Variants in CUBN observed in about 807,000 individuals in gnomAD.
CUBN encodes the protein cubilin, also known as 460 kDa receptor.
A neutral mutation model predicts 405.3 loss-of-function variants in CUBN; 282 were observed. That is an observed-to-expected ratio of 0.70 (90% confidence interval 0.63 to 0.77). The LOEUF (loss-of-function observed/expected upper bound fraction) is 0.77. Ranked by LOEUF, CUBN falls within the 30% of genes least tolerant of loss-of-function variation. CUBN has a pLI of 0.00. For missense variants in CUBN, 4,514 were observed against 4,475.2 expected (o/e 1.01, Z -0.25); for synonymous variants, 1,684 against 1,617.0 (o/e 1.04, Z -0.99).
chr10:17,022,361 A>G (rs947717974), intron 27 of CUBN, among the ~76,000 whole-genome samples: 2 of 152,224 alleles, frequency 1.3e-5, no homozygotes, highest in African/African-American at 4.8e-5. Context: ...GCAAATGAAT[A>G]AAGATGAGTT....
chr10:16,964,939 G>A (rs116619869), intron 31 of CUBN, among the ~76,000 whole-genome samples: 212 of 152,264 alleles, frequency 1.4e-3, no homozygotes, highest in African/African-American at 4.9e-3. Flanking sequence ...CACAAACCCC[G>A]AAAATCAGTG....
At chr10:16,931,320 C>T (rs1270371974) in intron 40 of CUBN, among the ~76,000 whole-genome samples, 1 of 151,530 alleles carries the variant, frequency 6.6e-6, no homozygotes, top group African/African-American at 2.4e-5. Flanking sequence ...GTGTAAATGA[C>T]TACAATACTC....
intron 27 of CUBN, among the ~76,000 whole-genome samples, chr10:17,037,008 C>CGG (rs1834918302): frequency 6.6e-6 from 1 of 152,200 alleles, no homozygotes; most frequent in African/African-American, 2.4e-5. Flanking sequence ...CAACCTATAT[C>CGG]TGCCTCACTT....
At chr10:16,835,611 C>CTTT (rs1266627325) in intron 63 of CUBN, among the ~76,000 whole-genome samples, 2 of 49,440 alleles carry the variant, frequency 4.0e-5, no homozygotes, top group African/African-American at 5.2e-5. Flanking sequence ...TCGTTATTTA[C>CTTT]CTTTTTTTTT....
chr10:16,890,605 T>G (rs1202145147), intron 54 of CUBN, 78 bp from the exon 55 acceptor site: 3 of 1,395,852 alleles, frequency 2.1e-6, no homozygotes, highest in Non-Finnish European at 3.1e-6. Context: ...TTCAAAATAA[T>G]GGCACTCACA....
intron 28 of CUBN, among the ~76,000 whole-genome samples, chr10:17,009,566 C>G (rs1485986759): frequency 2.0e-5 from 3 of 152,188 alleles, no homozygotes; most frequent in Non-Finnish European, 4.4e-5. Flanking sequence ...GAAGCAGCCA[C>G]TTAGGAGAAA....
At chr10:16,928,496 G>T in intron 40 of CUBN, among the ~76,000 whole-genome samples, 193 bp from the exon 41 acceptor site, 1 of 149,486 alleles carries the variant, frequency 6.7e-6, no homozygotes, top group Non-Finnish European at 1.5e-5. Context: ...GGTGCTTCCT[G>T]CCCTTTTCTT....
At chr10:17,052,758 TCAAAAAA>T (rs1564495899) in intron 22 of CUBN, among the ~76,000 whole-genome samples, 1 of 30,492 alleles carries the variant, frequency 3.3e-5, no homozygotes, top group Non-Finnish European at 5.4e-5. Flanking sequence ...AGACTCAGTC[TCAAAAAA>T]AAAAAAAAAA....
rs1185726512 is a variant in CUBN, at chr10:16,835,133, A to G, written c.10243T>C (p.Tyr3415His). ...ACGGTGCAATCCTTGTCATTGTCGT[A>G]GTTATCTGGCCATCCAGGGCTTCTC... Reference protein sequence around the residue: ...NLRSPGWPDNYDNDKDCTVTL... With the variant: ...NLRSPGWPDNHDNDKDCTVTL... The change falls in exon 64 of 67, where the codon TAC becomes CAC. Residue 3415 changes from tyrosine (Y) to histidine (H), a missense_variant. By Grantham distance (83) the Tyr-to-His change is moderately conservative. Coordinates refer to ENST00000377833, the MANE Select transcript of CUBN (RefSeq NM_001081.4). 1 of 1,614,142 alleles carries G rather than the reference A, an allele frequency of 6.2e-7. No homozygotes were observed.
intron 10 of CUBN, among the ~76,000 whole-genome samples, chr10:17,107,145 C>T (rs1836653878): frequency 1.3e-5 from 2 of 152,154 alleles, no homozygotes; most frequent in African/African-American, 2.4e-5. Flanking sequence ...TAATAGCTAA[C>T]AATAGTTTTA....
intron 54 of CUBN, among the ~76,000 whole-genome samples, chr10:16,898,577 C>G (rs969050172): frequency 1.3e-5 from 2 of 152,174 alleles, no homozygotes; most frequent in Non-Finnish European, 2.9e-5. Flanking sequence ...CACTGCCACA[C>G]GAGCAGCATT....
In CUBN at chr10:16,907,569, G is replaced by GA. The variant is rs1841590052; in HGVS notation, c.7643dup (p.Thr2549HisfsTer18). 1 of 1,613,916 alleles carries GA rather than the reference G, an allele frequency of 6.2e-7. No individual in the cohort carries two copies. The highest frequency in any genetic ancestry group is 8.5e-7 in the Non-Finnish European group (1 of 1,179,958). The stretch of plus-strand genomic sequence containing the variant: ...CGCCATATGGCCTGGATCCATCCGT[G>GA]AAAAAAATGACTTTCATTGTGTTTC... On this transcript the variant is annotated frameshift_variant, in exon 49 of 67. Transcript: ENST00000377833. LOFTEE classifies it high-confidence loss of function.
At chr10:16,935,879 C>CAAAAAAAAAAAAAAAAAAAAAAAAA (rs369098280) in intron 39 of CUBN, among the ~76,000 whole-genome samples, 1 of 71,414 alleles carries the variant, frequency 1.4e-5, no homozygotes, top group Non-Finnish European at 2.6e-5. Context: ...GACTCCATCT[C>CAAAAAAAAAAAAAAAAAAAAAAAAA]AAAAAAAAAA....
At chr10:17,053,698 T>G (rs1835323109) in intron 22 of CUBN, among the ~76,000 whole-genome samples, 1 of 152,024 alleles carries the variant, frequency 6.6e-6, no homozygotes, top group Admixed American at 6.6e-5. Flanking sequence ...GTATAGAAAA[T>G]CTGACCAACA....
intron 59 of CUBN, among the ~76,000 whole-genome samples, chr10:16,864,394 G>T (rs548635318): frequency 3.3e-5 from 5 of 151,932 alleles, no homozygotes; most frequent in African/African-American, 1.2e-4. Context: ...AGGGTTGGGC[G>T]GGGGGCTTGA....
intron 66 of CUBN, among the ~76,000 whole-genome samples, chr10:16,827,287 A>C (rs1244308968): frequency 6.6e-6 from 1 of 152,218 alleles, no homozygotes; most frequent in African/African-American, 2.4e-5. Context: ...ATATGTTACT[A>C]ATGATATATT....
chr10:17,123,761 G>A (rs1037535085), intron 4 of CUBN, 72 bp from the exon 5 acceptor site: 12 of 996,558 alleles, frequency 1.2e-5, no homozygotes, highest in Non-Finnish European at 1.7e-5. Flanking sequence ...TACCGTGCAC[G>A]TGGGATTACA....
intron 39 of CUBN, among the ~76,000 whole-genome samples, chr10:16,937,335 T>C (rs1842537471): frequency 6.6e-6 from 1 of 152,144 alleles, no homozygotes. Context: ...CTCTAGAAAT[T>C]GTAAGTAGAC....
chr10:16,857,307 T>C (rs1019450443), intron 59 of CUBN, among the ~76,000 whole-genome samples: 1 of 152,170 alleles, frequency 6.6e-6, no homozygotes, highest in Non-Finnish European at 1.5e-5. Flanking sequence ...TCTGGTAATA[T>C]TTAGGAATCA....
Sources: gnomAD v4.1 joint callset for allele counts (sites outside exome capture counted in the v4.1 genomes callset) on GRCh38, gnomAD v4.1.1 for gene constraint, MANE v1.5 for transcripts, NCBI Gene and HGNC (gene_info 2026-07-23, HGNC 2026-07-21) for gene names.